PCDHGB4: variants seen among roughly 807,000 people sequenced by gnomAD.
The protein encoded by PCDHGB4 is protocadherin gamma-B4.
In PCDHGB4, 38 loss-of-function variants were observed where a neutral mutation model predicts 60.5. That is an observed-to-expected ratio of 0.63 (90% confidence interval 0.48 to 0.82). PCDHGB4 has a LOEUF of 0.82. PCDHGB4 is among the 40% of genes least tolerant of loss of function. The pLI, the probability that PCDHGB4 is intolerant of heterozygous loss-of-function variation, is 0.00. For missense variants in PCDHGB4, 1,109 were observed against 1,209.6 expected (o/e 0.92, Z 1.23); for synonymous variants, 456 against 509.7 (o/e 0.89, Z 1.42).
chr5:141,428,001 T>C (rs149531447), intron 1 of PCDHGB4: 1 of 1,601,704 alleles, frequency 6.2e-7, no homozygotes, highest in Admixed American at 1.7e-5. Flanking sequence ...CTCCGCACTC[T>C]TCGATATAGT....
intron 1 of PCDHGB4, among the ~76,000 whole-genome samples, chr5:141,480,513 C>T (rs1376669385): frequency 7.9e-6 from 1 of 127,246 alleles, no homozygotes. Context: ...ATGAGAACAA[C>T]CAAAAATGAC....
rs777168071 is a variant in PCDHGB4 at position 141,477,745 on chromosome 5, C to A, written c.2398-17062C>A. The A allele has an allele frequency of 5.0e-6, 8 of 1,613,682 alleles. No homozygotes were observed. The highest frequency in any genetic ancestry group is 6.8e-6 in the Non-Finnish European group (8 of 1,180,042). On this transcript the variant is annotated intron_variant, in intron 1 of 3. Transcript: ENST00000519479. The surrounding 1 kb of genome is among the most constrained non-coding windows in gnomAD (Gnocchi z 4.9). ...TAACAGCTCATATCAGCGATGGGGG[C>A]ACCCCGGTCCTAGCCACCAACATCA...
chr5:141,401,586 A>G (rs1174763520), intron 1 of PCDHGB4, among the ~76,000 whole-genome samples: 2 of 152,228 alleles, frequency 1.3e-5, no homozygotes, highest in Admixed American at 1.3e-4. Context: ...ATCCTGACAT[A>G]TTCTTGAAGA....
rs61612330 is a variant in PCDHGB4 at position 141,454,796 on chromosome 5, A to ATTTTTTTTTTTTTTTTTTTTTTTTT, written c.2398-40006_2398-39982dup. ...AAGGAAATAATCCTCCATGGTTCTA[A>ATTTTTTTTTTTTTTTTTTTTTTTTT]TTTTTTTTTTTTTTTTTTTTTTTTT... On this transcript the variant is annotated intron_variant, in intron 1 of 3. Coordinates refer to ENST00000519479, the MANE Select transcript of PCDHGB4 (RefSeq NM_003736.4). Among the ~76,000 whole-genome samples, 7 of 77,408 alleles carry ATTTTTTTTTTTTTTTTTTTTTTTTT rather than the reference A, an allele frequency of 9.0e-5. 1 individual carries two copies. Among genetic ancestry groups the ATTTTTTTTTTTTTTTTTTTTTTTTT allele is most frequent in the East Asian group, 4.0e-4 (1 of 2,514 alleles). 50.8% of individuals were successfully genotyped at this position (77,408 alleles called of 152,430 possible). A position where few individuals can be genotyped will look rare whatever the true frequency, so the allele number is the denominator to read the frequency against.
At chr5:141,498,709 A>G (rs1245852373) in intron 2 of PCDHGB4, among the ~76,000 whole-genome samples, 2 of 152,148 alleles carry the variant, frequency 1.3e-5, no homozygotes, top group African/African-American at 4.8e-5. Context: ...AGGTGGGTGG[A>G]TCACCTGAGG....
chr5:141,417,599 C>G (rs1036283292), intron 1 of PCDHGB4: 4 of 500,492 alleles, frequency 8.0e-6, no homozygotes, highest in African/African-American at 7.8e-5. Flanking sequence ...CTCTGGGCGC[C>G]GCCGTCGGCC....
rs2099883775 is a variant in PCDHGB4 at position 141,511,415 on chromosome 5, A to G, written c.*242A>G. On this transcript the variant is annotated 3_prime_UTR_variant, in exon 4 of 4. Transcript: ENST00000519479. ...CCCCATCCAATCAACTGCTGTACCC[A>G]TGGGGGTAGTGGGGTTACTGTAGAC... 1.2e-6 allele frequency: 1 copy of G among 868,992 alleles called. No individual in the cohort carries two copies. The highest frequency in any genetic ancestry group is 2.9e-5 in the East Asian group (1 of 34,592). The allele number at this position is 868,992 out of a possible 1,614,324, so 53.8% of individuals were successfully genotyped here.
chr5:141,390,474 C>A, intron 1 of PCDHGB4, 193 bp downstream of exon 1: 1 of 688,724 alleles, frequency 1.5e-6, no homozygotes, highest in Non-Finnish European at 2.4e-6. Flanking sequence ...TTGTGTGGCC[C>A]AACATTTGTT....
rs774563598 is a variant in PCDHGB4 at position 141,431,225 on chromosome 5, C to T, written c.2397+40944C>T. 16 of 1,614,118 alleles carry T rather than the reference C, an allele frequency of 9.9e-6. No individual in the cohort carries two copies. The highest frequency in any genetic ancestry group is 1.2e-5 in the Non-Finnish European group (14 of 1,180,036). On this transcript the variant is annotated intron_variant, in intron 1 of 3. Transcript: ENST00000519479. The surrounding 1 kb of genome is among the most constrained non-coding windows in gnomAD (Gnocchi z 4.8). ...CACTGAGATGCGGTTCCCTCTACCC[C>T]ACGCCTGGGATCCGGATATCGGGAA...
At position 141,388,971 on chromosome 5, in the gene PCDHGB4, C is replaced by T. The variant is rs2091561776; in HGVS notation, c.1087C>T (p.His363Tyr). The change falls in exon 1 of 4, where the codon CAT (histidine) becomes TAT (tyrosine). Residue 363 changes from histidine (H) to tyrosine (Y), a missense_variant. By Grantham distance (83) the His-to-Tyr change is moderately conservative. This residue lies in a region of PCDHGB4 where 1,068 missense variants were observed against 1,089.9 expected (regional missense o/e 0.98). Coordinates refer to ENST00000519479, the MANE Select transcript of PCDHGB4 (RefSeq NM_003736.4). The part of the protein sequence containing the change: ...LIMEDAELGT[H>Y]IALLKVRDKD... Reference sequence around the variant, plus strand: ...TATGGAGGACGCCGAGCTGGGAACACATATTGCTTTGCTCAAAGTCCGTGA... The same window carrying T: ...TATGGAGGACGCCGAGCTGGGAACATATATTGCTTTGCTCAAAGTCCGTGA... The T allele has an allele frequency of 1.2e-6, 2 of 1,613,890 alleles. No individual in the cohort carries two copies. Among genetic ancestry groups the T allele is most frequent in the South Asian group, 2.2e-5 (2 of 91,086 alleles).
intron 1 of PCDHGB4, among the ~76,000 whole-genome samples, chr5:141,456,919 C>T (rs2098898169): frequency 1.3e-5 from 2 of 152,124 alleles, no homozygotes; most frequent in South Asian, 4.1e-4. Context: ...GCCGAGATCG[C>T]ACCACTGCAC....
intron 1 of PCDHGB4, among the ~76,000 whole-genome samples, chr5:141,402,229 AG>A (rs1400203598): frequency 6.6e-6 from 1 of 152,110 alleles, no homozygotes; most frequent in Non-Finnish European, 1.5e-5. Context: ...ACGTTTTTCC[AG>A]GAATTTTATC....
chr5:141,394,789 C>G (rs747304715), intron 1 of PCDHGB4: 1 of 1,613,728 alleles, frequency 6.2e-7, no homozygotes, highest in Non-Finnish European at 8.5e-7. Context: ...GCCACTGTCA[C>G]GCTCACCGTA....
At chr5:141,464,227 T>C (rs539811399) in intron 1 of PCDHGB4, among the ~76,000 whole-genome samples, 58 of 147,282 alleles carry the variant, frequency 3.9e-4, no homozygotes, top group Admixed American at 2.5e-3. Flanking sequence ...ATTGCGCCAC[T>C]GCACTCCAGC....
chr5:141,481,780 C>T (rs781334437), intron 1 of PCDHGB4, among the ~76,000 whole-genome samples: 3 of 152,016 alleles, frequency 2.0e-5, no homozygotes, highest in African/African-American at 7.2e-5. Flanking sequence ...GGTGAAACCC[C>T]GTCTCTACTA....
chr5:141,469,553 G>A (rs989713451), intron 1 of PCDHGB4, among the ~76,000 whole-genome samples: 2 of 152,086 alleles, frequency 1.3e-5, no homozygotes, highest in African/African-American at 2.4e-5. Flanking sequence ...CCAGCCTGGC[G>A]ACAGAGTGAG....
rs1194909537 is a variant in PCDHGB4 at position 141,511,022 on chromosome 5, T to C, written c.2621T>C (p.Phe874Ser). 1 of 1,614,176 alleles carries C rather than the reference T, an allele frequency of 6.2e-7. No individual in the cohort carries two copies. The highest frequency in any genetic ancestry group is 8.5e-7 in the Non-Finnish European group (1 of 1,180,020). ...MGLSARYGPQ[F>S]TLQHVPDYRQ... ...TTGAGCGCCCGCTACGGACCCCAGT[T>C]CACCCTGCAGCACGTGCCCGACTAC... The change falls in exon 4 of 4, where the codon TTC becomes TCC. Residue 874 changes from phenylalanine (F) to serine (S), a missense_variant. Transcript: ENST00000519479.
At chr5:141,414,936 G>T in intron 1 of PCDHGB4, 1 of 1,614,118 alleles carries the variant, frequency 6.2e-7, no homozygotes, top group South Asian at 1.1e-5. Context: ...GCTCCGCAGA[G>T]CCCGGCTACC....
intron 1 of PCDHGB4, among the ~76,000 whole-genome samples, chr5:141,461,824 T>C (rs958063237): frequency 1.3e-5 from 2 of 151,968 alleles, no homozygotes; most frequent in African/African-American, 4.8e-5. Flanking sequence ...CAGCTAATTT[T>C]TTTTTCTTTT....
Sources: allele counts gnomAD v4.1 joint callset (sites outside exome capture counted in the v4.1 genomes callset), GRCh38; gene constraint gnomAD v4.1.1; regional missense constraint gnomAD v4.1.1; non-coding constraint Gnocchi (gnomAD v3.1); transcripts MANE v1.5; gene names NCBI Gene and HGNC (gene_info 2026-07-23, HGNC 2026-07-21).